Variants in MYO3B observed in about 807,000 individuals in gnomAD.
MYO3B encodes the protein myosin IIIB.
A neutral mutation model predicts 174.6 loss-of-function variants in MYO3B; 156 were observed. The observed-to-expected ratio is 0.89, with a 90% CI of 0.78 to 1.02. MYO3B has a LOEUF of 1.02. Ranked by LOEUF, MYO3B falls within the 50% of genes least tolerant of loss-of-function variation. The pLI is 0.00. For synonymous variants in MYO3B, 563 were observed against 569.1 expected (o/e 0.99, Z 0.15); for missense variants, 1,632 against 1,639.4 (o/e 1.00, Z 0.08).
At chr2:170,504,502 G>A (rs1188850143) in intron 28 of MYO3B, among the ~76,000 whole-genome samples, 2 of 152,122 alleles carry the variant, frequency 1.3e-5, no homozygotes, top group East Asian at 1.9e-4. Context: ...CAGAATTCCC[G>A]ATCTATTACG....
chr2:170,256,475 A>G (rs922759649), intron 7 of MYO3B, among the ~76,000 whole-genome samples: 4 of 152,204 alleles, frequency 2.6e-5, no homozygotes, highest in African/African-American at 9.6e-5. Context: ...GAATGGGGGC[A>G]TATTTTCACC....
chr2:170,532,021 A>G (rs536525371), intron 30 of MYO3B, among the ~76,000 whole-genome samples: 8 of 152,356 alleles, frequency 5.3e-5, no homozygotes, highest in Non-Finnish European at 1.0e-4. Context: ...ATTAATTACA[A>G]AAGGACAGTG....
At chr2:170,433,368 A>T (rs914490721) in intron 22 of MYO3B, among the ~76,000 whole-genome samples, 1 of 152,244 alleles carries the variant, frequency 6.6e-6, no homozygotes, top group African/African-American at 2.4e-5. Flanking sequence ...CAGTGCATTC[A>T]GTGAGGGAAG....
chr2:170,479,165 T>G (rs1441103462), intron 25 of MYO3B, among the ~76,000 whole-genome samples: 4 of 150,124 alleles, frequency 2.7e-5, no homozygotes, highest in African/African-American at 9.7e-5. Context: ...ATGCCTGTAA[T>G]CTCAGCTACT....
In MYO3B at chr2:170,358,461, C is replaced by T. The variant is rs550695813; in HGVS notation, c.816-10761C>T. Among the ~76,000 whole-genome samples the T allele has an allele frequency of 7.2e-5, 11 of 152,082 alleles. 3 individuals carry two copies. Among genetic ancestry groups the T allele is most frequent in the African/African-American group, 2.4e-4 (10 of 41,478 alleles). Reference sequence around the variant, plus strand: ...TATAGGGTGTGAATGCTAATGGATACGGGGTTTCTTTTTGGGGTGATGAAA... The same window carrying T: ...TATAGGGTGTGAATGCTAATGGATATGGGGTTTCTTTTTGGGGTGATGAAA... On this transcript the variant is annotated intron_variant, in intron 8 of 34. Transcript: ENST00000408978.
At chr2:170,600,693 G>T (rs1694452596) in intron 32 of MYO3B, among the ~76,000 whole-genome samples, 2 of 152,156 alleles carry the variant, frequency 1.3e-5, no homozygotes, top group Admixed American at 6.5e-5. Context: ...TAATTTGGCA[G>T]TCTTATATTC....
chr2:170,330,250 G>C (rs375307417), intron 7 of MYO3B, among the ~76,000 whole-genome samples: 6 of 152,204 alleles, frequency 3.9e-5, no homozygotes, highest in African/African-American at 1.4e-4. Flanking sequence ...TAATGTTTGA[G>C]GGCTTCATTT....
chr2:170,200,411 A>C, intron 3 of MYO3B, 127 bp downstream of exon 3: 3 of 986,290 alleles, frequency 3.0e-6, no homozygotes, highest in Non-Finnish European at 4.3e-6. Flanking sequence ...TGTCACAGGT[A>C]CCTCACCAGA....
chr2:170,620,679 C>T (rs372844473), intron 32 of MYO3B, among the ~76,000 whole-genome samples: 2 of 152,142 alleles, frequency 1.3e-5, no homozygotes, highest in South Asian at 2.1e-4. Context: ...GAAAATGGCC[C>T]GGGTAGATCT....
intron 32 of MYO3B, among the ~76,000 whole-genome samples, chr2:170,561,898 G>A (rs1356744613): frequency 6.6e-6 from 1 of 151,988 alleles, no homozygotes; most frequent in East Asian, 1.9e-4. Flanking sequence ...TGCCAAGGCA[G>A]GTTGCTATAG....
At chr2:170,601,986 A>G in intron 32 of MYO3B, 1 of 864,798 alleles carries the variant, frequency 1.2e-6, no homozygotes, top group Non-Finnish European at 2.0e-6. Flanking sequence ...TCTCCCCTTT[A>G]GGAGGGATAT....
intron 30 of MYO3B, among the ~76,000 whole-genome samples, chr2:170,534,811 G>A (rs1034751818): frequency 1.3e-5 from 2 of 152,078 alleles, no homozygotes; most frequent in Non-Finnish European, 2.9e-5. Context: ...GAATATGTAC[G>A]CATATAGCCT....
chr2:170,299,002 G>A (rs2093647082), intron 7 of MYO3B, among the ~76,000 whole-genome samples: 1 of 152,172 alleles, frequency 6.6e-6, no homozygotes, highest in African/African-American at 2.4e-5. Flanking sequence ...TAGCCTAGGT[G>A]TGTGGTAGGC....
At chr2:170,512,618 C>T (rs536258162) in intron 28 of MYO3B, among the ~76,000 whole-genome samples, 5 of 152,156 alleles carry the variant, frequency 3.3e-5, no homozygotes, top group African/African-American at 1.2e-4. Flanking sequence ...TCACTAAATG[C>T]CAGGCCAGGC....
intron 32 of MYO3B, among the ~76,000 whole-genome samples, chr2:170,552,801 G>T (rs572771957): frequency 6.6e-6 from 1 of 152,264 alleles, no homozygotes; most frequent in African/African-American, 2.4e-5. Context: ...CCCATCAAAG[G>T]CCTGCAGGCT....
At chr2:170,180,276 A>C (rs191195020) in intron 1 of MYO3B, 1 of 330,758 alleles carries the variant, frequency 3.0e-6, no homozygotes, top group East Asian at 8.9e-5. Context: ...AAACTAGCTC[A>C]CGAGAAACTC....
chr2:170,643,469 G>T (rs1235434623), intron 32 of MYO3B, among the ~76,000 whole-genome samples: 1 of 152,156 alleles, frequency 6.6e-6, no homozygotes, highest in Non-Finnish European at 1.5e-5. Flanking sequence ...GGTCAGAGGA[G>T]TGATGCACCT....
chr2:170,185,389 A>G (rs746786448), intron 1 of MYO3B, among the ~76,000 whole-genome samples: 2 of 152,140 alleles, frequency 1.3e-5, no homozygotes, highest in Non-Finnish European at 2.9e-5. Context: ...AGCACCATTT[A>G]TTGAGGAGCC....
At chr2:170,579,445 C>T (rs548715046) in intron 32 of MYO3B, among the ~76,000 whole-genome samples, 1 of 152,156 alleles carries the variant, frequency 6.6e-6, no homozygotes, top group South Asian at 2.1e-4. Flanking sequence ...AATTCTGTTG[C>T]AACCCCCACC....
Sources: allele counts gnomAD v4.1 joint callset (sites outside exome capture counted in the v4.1 genomes callset), GRCh38; gene constraint gnomAD v4.1.1; transcripts MANE v1.5; gene names NCBI Gene and HGNC (gene_info 2026-07-23, HGNC 2026-07-21).